RBFOX1: variants seen among roughly 807,000 people sequenced by gnomAD.
The protein encoded by RBFOX1 is RNA binding protein fox-1 homolog 1.
Under a neutral mutation model 57.7 loss-of-function variants are expected in RBFOX1, and 8 were observed. That is an observed-to-expected ratio of 0.14 (90% CI 0.08 to 0.25). The LOEUF is 0.25. RBFOX1 is among the 10% of genes least tolerant of loss of function. The pLI, the probability that RBFOX1 is intolerant of heterozygous loss-of-function variation, is 1.00. For missense variants in RBFOX1, 611 were observed against 548.5 expected (o/e 1.11, Z -1.14); for synonymous variants, 326 against 222.4 (o/e 1.47, Z -4.15).
chr16:5,306,653 G>A (rs1234200273), intron 1 of RBFOX1, among the ~76,000 whole-genome samples: 4 of 152,156 alleles, frequency 2.6e-5, no homozygotes, highest in African/African-American at 4.8e-5. Context: ...ATGAAAGATC[G>A]AGTTAAATGC....
intron 1 of RBFOX1, among the ~76,000 whole-genome samples, chr16:5,441,237 CTCCT>C (rs1197887146): frequency 6.6e-6 from 1 of 152,084 alleles, no homozygotes; most frequent in African/African-American, 2.4e-5. Context: ...TACTCATTAA[CTCCT>C]TCTTTCATTC....
At chr16:6,054,477 C>T (rs2095590344) in intron 1 of RBFOX1, among the ~76,000 whole-genome samples, 1 of 152,146 alleles carries the variant, frequency 6.6e-6, no homozygotes, top group Non-Finnish European at 1.5e-5. Flanking sequence ...CAGACTAACT[C>T]CGGCTTTGAG....
At chr16:6,633,013 G>C (rs34995535) in intron 2 of RBFOX1, among the ~76,000 whole-genome samples, 2 of 152,082 alleles carry the variant, frequency 1.3e-5, no homozygotes, top group African/African-American at 4.8e-5. Context: ...GGGATGGGGA[G>C]ACATTGAAAA....
At chr16:5,911,051 T>G (rs1005485611) in intron 4 of RBFOX1, among the ~76,000 whole-genome samples, 6 of 152,190 alleles carry the variant, frequency 3.9e-5, no homozygotes, top group African/African-American at 7.2e-5. Flanking sequence ...AATAAACTAC[T>G]TGTGCTTGGA....
chr16:5,376,863 G>A (rs1303665550), intron 1 of RBFOX1, among the ~76,000 whole-genome samples: 4 of 151,682 alleles, frequency 2.6e-5, no homozygotes, highest in African/African-American at 9.8e-5. Flanking sequence ...GGGGGAGCAG[G>A]TTCTGCGTCA....
At chr16:7,244,002 T>C (rs917988969) in intron 4 of RBFOX1, among the ~76,000 whole-genome samples, 5 of 151,920 alleles carry the variant, frequency 3.3e-5, no homozygotes, top group African/African-American at 1.2e-4. Context: ...CTGGAGAGAA[T>C]GTTCATAGCT....
chr16:5,708,637 C>T (rs1329002342), intron 3 of RBFOX1, among the ~76,000 whole-genome samples: 1 of 152,122 alleles, frequency 6.6e-6, no homozygotes, highest in Non-Finnish European at 1.5e-5. Flanking sequence ...ATAGATTCTC[C>T]CCCTAATATA....
rs1288886924 is a variant in RBFOX1, at chr16:6,767,926, TAATAATAATAATAATAATAATAAG to T, written c.-16+113279_-16+113302del. Among the ~76,000 whole-genome samples the T allele has an allele frequency of 2.7e-4, 21 of 76,412 alleles. 1 individual carries two copies. Among genetic ancestry groups the T allele is most frequent in the African/African-American group, 9.3e-4 (14 of 15,050 alleles). The allele number at this position is 76,412 out of a possible 152,430, so 50.1% of individuals were successfully genotyped here. A position where few individuals can be genotyped will look rare whatever the true frequency, so the allele number is the denominator to read the frequency against. On this transcript the variant is annotated intron_variant, in intron 3 of 15. Coordinates refer to ENST00000550418, the MANE Select transcript of RBFOX1 (RefSeq NM_018723.4). ...AAGGACTCTATCTCAATAATAATAATAATAATAATAATAATAATAATAAGAAGAAGAAGAAGAAGAAGAAGAAGA... is the reference window on the plus strand; with the variant it reads ...AAGGACTCTATCTCAATAATAATAATAAGAAGAAGAAGAAGAAGAAGAAGA...
rs115352240 is a variant in RBFOX1, at chr16:6,132,212, C to T, written c.-127+112220C>T. 8.2e-3 allele frequency among the ~76,000 whole-genome samples: 1,246 copies of T among 152,256 alleles called. 17 individuals carry two copies. The highest frequency in any genetic ancestry group is 0.028 in the African/African-American group (1,180 of 41,550). ...ATTTCACGATCATGGGGGACACTTT[C>T]GGCAGCAACAGCAATGCTCAGCAAG... On this transcript the variant is annotated intron_variant, in intron 1 of 15. Transcript: ENST00000550418.
chr16:7,007,437 C>A (rs952850634), intron 3 of RBFOX1, among the ~76,000 whole-genome samples: 4 of 152,080 alleles, frequency 2.6e-5, no homozygotes, highest in African/African-American at 9.7e-5. Flanking sequence ...GAGTCATCTC[C>A]GTATTTTTAG....
chr16:6,537,887 A>C (rs963188685), intron 2 of RBFOX1, among the ~76,000 whole-genome samples: 1 of 152,066 alleles, frequency 6.6e-6, no homozygotes, highest in African/African-American at 2.4e-5. Context: ...CATTATCTGT[A>C]GTAATTATAG....
At chr16:5,364,102 A>T (rs1003532832) in intron 1 of RBFOX1, among the ~76,000 whole-genome samples, 2 of 152,222 alleles carry the variant, frequency 1.3e-5, no homozygotes, top group African/African-American at 2.4e-5. Flanking sequence ...GGTCCCCTTA[A>T]TTAGGAAGGT....
At chr16:6,364,503 G>T (rs548929927) in intron 2 of RBFOX1, among the ~76,000 whole-genome samples, 1 of 152,220 alleles carries the variant, frequency 6.6e-6, no homozygotes, top group East Asian at 1.9e-4. Flanking sequence ...TTCTCTGTTG[G>T]TCCCTGAGTG....
In RBFOX1 at chr16:6,804,518, C is replaced by G. The variant is rs1055737276; in HGVS notation, c.-16+149868C>G. 3.3e-5 allele frequency among the ~76,000 whole-genome samples: 5 copies of G among 152,042 alleles called. No individual in the cohort carries two copies. In the East Asian group the frequency reaches 9.6e-4, roughly 29 times the overall value. ...CTCTAGGTGCATAAATAATCTTCAT[C>G]CTACAAATAAAGAATTCTAAATTGG... On this transcript the variant is annotated intron_variant, in intron 3 of 15. Coordinates refer to ENST00000550418, the MANE Select transcript of RBFOX1 (RefSeq NM_018723.4).
intron 3 of RBFOX1, among the ~76,000 whole-genome samples, chr16:5,737,781 T>C (rs1382336372): frequency 6.6e-6 from 1 of 152,172 alleles, no homozygotes. Context: ...ATGGATGACA[T>C]GGAGTAATGT....
rs528569482 is a variant in RBFOX1, at chr16:5,609,634, C to G, written c.318+10673C>G. ...CCAAATGGGACCCTGTGACCTGCAT[C>G]CAAACCCTCATGTACAAGGCAGCCC... On this transcript the variant is annotated intron_variant, in intron 3 of 19. Transcript: ENST00000641259. Among the ~76,000 whole-genome samples the G allele has an allele frequency of 5.9e-5, 9 of 152,314 alleles. No individual in the cohort carries two copies. The East Asian group carries it at 1.2e-3, about 20-fold the overall frequency.
chr16:5,643,258 C>G (rs1432888812), intron 3 of RBFOX1, among the ~76,000 whole-genome samples: 2 of 152,150 alleles, frequency 1.3e-5, no homozygotes, highest in Non-Finnish European at 2.9e-5. Context: ...CTTAGACTGC[C>G]TCTTTGTAAA....
intron 1 of RBFOX1, among the ~76,000 whole-genome samples, chr16:6,049,031 G>A (rs577320625): frequency 1.3e-4 from 19 of 146,342 alleles, no homozygotes; most frequent in African/African-American, 4.5e-4. Flanking sequence ...TTTGACGATC[G>A]ACCCCTTACA....
intron 1 of RBFOX1, among the ~76,000 whole-genome samples, chr16:6,201,051 G>A (rs369996224): frequency 1.3e-5 from 2 of 151,848 alleles, no homozygotes; most frequent in African/African-American, 4.8e-5. Flanking sequence ...GTGAGAACAT[G>A]TGATATTTGT....
Sources: gnomAD v4.1 joint callset for allele counts (sites outside exome capture counted in the v4.1 genomes callset) on GRCh38, gnomAD v4.1.1 for gene constraint, MANE v1.5 for transcripts, NCBI Gene and HGNC (gene_info 2026-07-23, HGNC 2026-07-21) for gene names.